CPPED1: variants seen among roughly 807,000 people sequenced by gnomAD.
CPPED1 encodes serine/threonine-protein phosphatase CPPED1.
A neutral mutation model predicts 28.0 loss-of-function variants in CPPED1; 28 were observed. The ratio of observed to expected loss-of-function variants is 1.00; its 90% CI spans 0.74 to 1.37. The LOEUF (loss-of-function observed/expected upper bound fraction) is 1.37. CPPED1 is among the 40% of genes most tolerant of loss of function. The pLI, the probability that CPPED1 is intolerant of heterozygous loss-of-function variation, is 0.00. For synonymous variants in CPPED1, 198 were observed against 180.2 expected, an observed-to-expected ratio of 1.10 and a Z score of -0.79; for missense variants, 504 against 416.5, an observed-to-expected ratio of 1.21 and a Z score of -1.83.
Position 12,781,141 on chromosome 16 carries a change from C to A in CPPED1, c.289+44G>T, listed in dbSNP as rs376368698. ...TTCTCCTGCCCAAATGCAGTCATGA[C>A]CGGCTGAAGGAGAAAAGGTCACAAG... On this transcript the variant is annotated intron_variant, in intron 2 of 3. Coordinates refer to ENST00000381774, the MANE Select transcript of CPPED1 (RefSeq NM_018340.3). 2.5e-4 allele frequency: 388 copies of A among 1,557,664 alleles called. 1 individual carries two copies. The African/African-American group carries it at 4.9e-3, about 20-fold the overall frequency.
intron 3 of CPPED1, among the ~76,000 whole-genome samples, chr16:12,694,660 CAA>C (rs1237186397): frequency 1.6e-5 from 2 of 128,834 alleles, no homozygotes; most frequent in Non-Finnish European, 3.1e-5. Flanking sequence ...GGAAATAAAA[CAA>C]AGAGGGTAAA....
rs944109370 is a variant in CPPED1 at position 12,682,654 on chromosome 16, GA to G, written c.716-17540del. On this transcript the variant is annotated intron_variant, in intron 3 of 3. Coordinates refer to ENST00000381774, the MANE Select transcript of CPPED1 (RefSeq NM_018340.3). The surrounding 1 kb of genome is among the most constrained non-coding windows in gnomAD (Gnocchi z 6.1). ...ACTGGGAAGATAAGTGAGAATCAGG[GA>G]CACGCCCTGGGTGGCACAGCAGGAA... Among the ~76,000 whole-genome samples the G allele has an allele frequency of 6.6e-6, 1 of 152,188 alleles. No individual in the cohort carries two copies. Among genetic ancestry groups the G allele is most frequent in the African/African-American group, 2.4e-5 (1 of 41,454 alleles).
At chr16:12,697,041 T>C (rs1393846289) in intron 3 of CPPED1, among the ~76,000 whole-genome samples, 1 of 152,170 alleles carries the variant, frequency 6.6e-6, no homozygotes, top group East Asian at 1.9e-4. Context: ...TTTTTATTTT[T>C]TGAGTCAGAA....
intron 1 of CPPED1, among the ~76,000 whole-genome samples, chr16:12,796,697 G>T (rs58882004): frequency 6.6e-6 from 1 of 152,098 alleles, no homozygotes; most frequent in Non-Finnish European, 1.5e-5. Context: ...CATAGTTACC[G>T]TATGACTCAG....
At chr16:12,707,244 C>A (rs1230072734) in intron 2 of CPPED1, among the ~76,000 whole-genome samples, 1 of 152,206 alleles carries the variant, frequency 6.6e-6, no homozygotes, top group African/African-American at 2.4e-5. Flanking sequence ...AGCCGCCCCT[C>A]TCACTTCTTC....
chr16:12,787,273 A>C (rs1381704520), intron 1 of CPPED1, among the ~76,000 whole-genome samples: 1 of 152,204 alleles, frequency 6.6e-6, no homozygotes, highest in Non-Finnish European at 1.5e-5. Context: ...TAAACTTTGG[A>C]AACAACTCAT....
intron 2 of CPPED1, among the ~76,000 whole-genome samples, chr16:12,750,079 G>C (rs2080317722): frequency 6.6e-6 from 1 of 152,178 alleles, no homozygotes; most frequent in Admixed American, 6.5e-5. Context: ...GTGAACCTTA[G>C]ACTTTGGCTT....
intron 2 of CPPED1, among the ~76,000 whole-genome samples, chr16:12,755,899 A>G (rs1157254608): frequency 6.6e-6 from 1 of 152,108 alleles, no homozygotes; most frequent in Non-Finnish European, 1.5e-5. Context: ...TTGGGAGGTC[A>G]AGGCGGGCGG....
At chr16:12,669,238 C>G (rs1247607974) in intron 3 of CPPED1, among the ~76,000 whole-genome samples, 1 of 152,088 alleles carries the variant, frequency 6.6e-6, no homozygotes, top group Non-Finnish European at 1.5e-5. Context: ...CAAAAGGCCC[C>G]ATCTTGTATG....
chr16:12,744,137 G>A (rs935685179), intron 2 of CPPED1, among the ~76,000 whole-genome samples: 9 of 152,150 alleles, frequency 5.9e-5, no homozygotes, highest in East Asian at 1.9e-4. Context: ...TTAGCCGGGC[G>A]TGGTGGCAGG....
At chr16:12,672,325 G>C (rs1485175460) in intron 3 of CPPED1, among the ~76,000 whole-genome samples, 1 of 152,228 alleles carries the variant, frequency 6.6e-6, no homozygotes. Flanking sequence ...AAAGCCCAAA[G>C]ATGTATCCGG....
intron 3 of CPPED1, among the ~76,000 whole-genome samples, chr16:12,690,936 T>C (rs2079959418): frequency 6.6e-6 from 1 of 152,146 alleles, no homozygotes; most frequent in Admixed American, 6.5e-5. Context: ...GAGGAGCAGG[T>C]GAAGAATGGG....
intron 2 of CPPED1, among the ~76,000 whole-genome samples, chr16:12,761,648 G>A (rs1384132367): frequency 6.6e-6 from 1 of 152,156 alleles, no homozygotes; most frequent in African/African-American, 2.4e-5. Context: ...ACCAGCAATG[G>A]AACTACACTA....
At chr16:12,697,266 A>G (rs940981989) in intron 3 of CPPED1, among the ~76,000 whole-genome samples, 10 of 152,002 alleles carry the variant, frequency 6.6e-5, no homozygotes, top group Admixed American at 5.9e-4. Context: ...CTCAGGTGAT[A>G]ATTAAATCAT....
intron 3 of CPPED1, among the ~76,000 whole-genome samples, chr16:12,704,160 C>T (rs570611427): frequency 5.4e-4 from 82 of 152,278 alleles, no homozygotes; most frequent in Middle Eastern, 6.8e-3. Context: ...GAGCAAGGTG[C>T]CTGCTTCCCA....
intron 3 of CPPED1, among the ~76,000 whole-genome samples, chr16:12,687,783 A>C (rs868015706): frequency 6.6e-6 from 1 of 152,314 alleles, no homozygotes. Flanking sequence ...CACATAAAAA[A>C]GCTTTCTTTG....
intron 2 of CPPED1, among the ~76,000 whole-genome samples, chr16:12,724,768 C>A (rs2080160501): frequency 6.6e-6 from 1 of 152,320 alleles, no homozygotes; most frequent in East Asian, 1.9e-4. Flanking sequence ...TACTCATTAC[C>A]AGCTCTGAAA....
intron 3 of CPPED1, among the ~76,000 whole-genome samples, chr16:12,700,650 C>T (rs7202616): frequency 0.19 from 28,398 of 152,156 alleles, 2,730 homozygotes; most frequent in East Asian, 0.25. Flanking sequence ...CCTTGGCCTC[C>T]CAAAGTGCTA....
chr16:12,789,475 T>A (rs923290687), intron 1 of CPPED1, among the ~76,000 whole-genome samples: 2 of 152,142 alleles, frequency 1.3e-5, no homozygotes, highest in Non-Finnish European at 2.9e-5. Flanking sequence ...AAGCCAGGAA[T>A]GCCTAGGTCT....
Sources: allele counts gnomAD v4.1 joint callset (sites outside exome capture counted in the v4.1 genomes callset), GRCh38; gene constraint gnomAD v4.1.1; non-coding constraint Gnocchi (gnomAD v3.1); transcripts MANE v1.5; gene names NCBI Gene and HGNC (gene_info 2026-07-23, HGNC 2026-07-21).